Variants in PIK3C2G observed in about 807,000 individuals in gnomAD.
PIK3C2G encodes the protein phosphatidylinositol 3-kinase C2 domain-containing subunit gamma.
A neutral mutation model predicts 181.1 loss-of-function variants in PIK3C2G; 168 were observed. The ratio of observed to expected loss-of-function variants is 0.93; its 90% confidence interval spans 0.82 to 1.05. PIK3C2G has a LOEUF of 1.05. Among genes scored for constraint, PIK3C2G ranks in the 50% least tolerant of loss-of-function variants. The pLI is 0.00. For missense variants in PIK3C2G, 1,869 were observed against 1,732.8 expected (o/e 1.08, Z -1.40); for synonymous variants, 573 against 592.2 (o/e 0.97, Z 0.47).
chr12:18,666,273 T>G, the PIK3C2G span, among the ~76,000 whole-genome samples: 3 of 148,884 alleles, frequency 2.0e-5, no homozygotes, highest in Non-Finnish European at 4.4e-5. Flanking sequence ...ATAAGTAGAT[T>G]AAACTCTTCA....
chr12:18,306,710 A>G (rs1387618279), intron 5 of PIK3C2G, among the ~76,000 whole-genome samples: 1 of 152,036 alleles, frequency 6.6e-6, no homozygotes, highest in Non-Finnish European at 1.5e-5. Flanking sequence ...CAGTACTAAT[A>G]TTATTTTAAT....
At chr12:18,640,659 A>C in intron 32 of PIK3C2G, 105 bp downstream of exon 32, 1 of 1,023,472 alleles carries the variant, frequency 9.8e-7, no homozygotes, top group Non-Finnish European at 1.4e-6. Context: ...GCATTATTTC[A>C]TAAAGGAAAG....
In PIK3C2G at chr12:18,479,410, C is replaced by A. The variant is rs570133831; in HGVS notation, c.2505-9039C>A. On this transcript the variant is annotated intron_variant, in intron 18 of 32. Transcript: ENST00000538779. ...GCTGGGGAGTCAGACACACTTGGATCTGAATCCCCAGTCCACTGGGTGGAT... is the reference window on the plus strand; with the variant it reads ...GCTGGGGAGTCAGACACACTTGGATATGAATCCCCAGTCCACTGGGTGGAT... 5.9e-5 allele frequency among the ~76,000 whole-genome samples: 9 copies of A among 152,220 alleles called. No homozygotes were observed. The South Asian group carries it at 1.9e-3, about 32-fold the overall frequency.
chr12:18,526,787 C>G (rs1352052957), intron 24 of PIK3C2G, among the ~76,000 whole-genome samples: 2 of 152,106 alleles, frequency 1.3e-5, no homozygotes, highest in African/African-American at 4.8e-5. Flanking sequence ...CTCACTTACT[C>G]ACACGGACCA....
the PIK3C2G span, among the ~76,000 whole-genome samples, chr12:18,656,271 A>C: frequency 6.6e-6 from 1 of 152,036 alleles, no homozygotes; most frequent in African/African-American, 2.4e-5. Flanking sequence ...TATACCAAAA[A>C]AGCATTAAAA....
At position 18,355,631 on chromosome 12, in the gene PIK3C2G, C is replaced by T. The variant is rs1206603841; in HGVS notation, c.1626-7133C>T. Among the ~76,000 whole-genome samples, 4 of 152,112 alleles carry T rather than the reference C, an allele frequency of 2.6e-5. No homozygotes were observed. The South Asian group carries it at 6.2e-4, about 24-fold the overall frequency. ...AGCATGCACCGCTAACTCCCACCACCCCACTTAGCTGTTGGGCACAGCACA... is the reference window on the plus strand; with the variant it reads ...AGCATGCACCGCTAACTCCCACCACTCCACTTAGCTGTTGGGCACAGCACA... On this transcript the variant is annotated intron_variant, in intron 11 of 32. Transcript: ENST00000538779.
chr12:18,687,995 A>G, the PIK3C2G span: 3 of 1,518,980 alleles, frequency 2.0e-6, no homozygotes, highest in Non-Finnish European at 2.7e-6. Context: ...TCTTATGAAT[A>G]ATAAATATGT....
chr12:18,547,200 T>A (rs1220224413), intron 26 of PIK3C2G, among the ~76,000 whole-genome samples: 1 of 152,016 alleles, frequency 6.6e-6, no homozygotes, highest in African/African-American at 2.4e-5. Context: ...TTAAGTGGAA[T>A]GTATGCTTTA....
intron 16 of PIK3C2G, among the ~76,000 whole-genome samples, chr12:18,405,928 CATTGTT>C (rs1362639348): frequency 6.6e-6 from 1 of 152,016 alleles, no homozygotes; most frequent in Non-Finnish European, 1.5e-5. Flanking sequence ...ATATATGATA[CATTGTT>C]ATTAACTCTG....
the PIK3C2G span, chr12:18,699,768 C>T: frequency 6.3e-7 from 1 of 1,596,892 alleles, no homozygotes; most frequent in Non-Finnish European, 8.6e-7. Context: ...TTAAACATTT[C>T]ATCTATTTGA....
chr12:18,338,347 AAAG>A lies in PIK3C2G; in HGVS notation c.1273-72_1273-70del, dbSNP rs2137592704. 5.2e-6 allele frequency: 6 copies of A among 1,143,310 alleles called. No homozygotes were observed. The East Asian group carries it at 7.3e-5, about 14-fold the overall frequency. The allele number at this position is 1,143,310 out of a possible 1,614,324, so 70.8% of individuals were successfully genotyped here. On this transcript the variant is annotated intron_variant, in intron 8 of 32. Transcript: ENST00000538779. Reference sequence around the variant, plus strand: ...TTTATTCCACTTGCTCCTCATGGAAAAAGAAGAAGTTTGAGGATAAATTAATGT... The same window carrying A: ...TTTATTCCACTTGCTCCTCATGGAAAAAGAAGTTTGAGGATAAATTAATGT...
At chr12:18,494,551 A>C (rs967760835) in intron 20 of PIK3C2G, among the ~76,000 whole-genome samples, 1 of 152,118 alleles carries the variant, frequency 6.6e-6, no homozygotes, top group African/African-American at 2.4e-5. Flanking sequence ...GCACATGAAA[A>C]CCAAGATGTG....
chr12:18,388,598 A>T (rs1026498270), intron 14 of PIK3C2G, among the ~76,000 whole-genome samples: 1 of 152,276 alleles, frequency 6.6e-6, no homozygotes, highest in African/African-American at 2.4e-5. Context: ...ATACCAACCT[A>T]CGCACAGTCC....
At chr12:18,517,869 T>G (rs1254742562) in intron 24 of PIK3C2G, among the ~76,000 whole-genome samples, 1 of 152,234 alleles carries the variant, frequency 6.6e-6, no homozygotes, top group Non-Finnish European at 1.5e-5. Context: ...GGTGTGGGTC[T>G]GTCATAAATA....
At chr12:18,410,001 A>T (rs561284577) in intron 16 of PIK3C2G, among the ~76,000 whole-genome samples, 1 of 152,076 alleles carries the variant, frequency 6.6e-6, no homozygotes, top group South Asian at 2.1e-4. Context: ...CTAAAGGGGG[A>T]AATCTGCCCC....
intron 24 of PIK3C2G, among the ~76,000 whole-genome samples, chr12:18,534,120 T>C (rs900698584): frequency 2.0e-5 from 3 of 151,534 alleles, no homozygotes; most frequent in Non-Finnish European, 2.9e-5. Flanking sequence ...TGGATAACTT[T>C]TGTATTTTTT....
intron 16 of PIK3C2G, among the ~76,000 whole-genome samples, chr12:18,409,454 G>T (rs1944730515): frequency 6.6e-6 from 1 of 151,936 alleles, no homozygotes; most frequent in Middle Eastern, 3.2e-3. Context: ...GTAGATGATG[G>T]GTTGATGGAT....
At chr12:18,404,979 C>A (rs962923287) in intron 16 of PIK3C2G, among the ~76,000 whole-genome samples, 1 of 151,914 alleles carries the variant, frequency 6.6e-6, no homozygotes, top group Admixed American at 6.6e-5. Context: ...GCAGTAGGAA[C>A]GCACAAAGCA....
chr12:18,280,272 T>C (rs1454630295), intron 1 of PIK3C2G, among the ~76,000 whole-genome samples: 2 of 151,936 alleles, frequency 1.3e-5, no homozygotes, highest in Admixed American at 6.6e-5. Context: ...ATAACAAATA[T>C]GGTCTGATGA....
Sources: allele counts gnomAD v4.1 joint callset (sites outside exome capture counted in the v4.1 genomes callset), GRCh38; gene constraint gnomAD v4.1.1; transcripts MANE v1.5; gene names NCBI Gene and HGNC (gene_info 2026-07-23, HGNC 2026-07-21).